HIVEP3: variants seen among roughly 807,000 people sequenced by gnomAD.
HIVEP3 encodes transcription factor HIVEP3.
HIVEP3 carries 49 observed loss-of-function variants against 152.8 expected under a neutral mutation model. That is an observed-to-expected ratio of 0.32 (90% CI 0.26 to 0.41). HIVEP3 has a LOEUF of 0.41. HIVEP3 is among the 10% of genes least tolerant of loss of function. The pLI, the probability that HIVEP3 is intolerant of heterozygous loss-of-function variation, is 1.00. For synonymous variants in HIVEP3, 1,269 were observed against 1,289.0 expected (o/e 0.98, Z 0.33); for missense variants, 2,790 against 3,103.3 (o/e 0.90, Z 2.40).
chr1:41,656,344 C>A (rs35248897), intron 2 of HIVEP3, among the ~76,000 whole-genome samples: 3,721 of 152,324 alleles, frequency 0.024, 53 homozygotes, highest in South Asian at 0.065. Context: ...CAGCTGAGGA[C>A]ATTGTGGTTC....
rs368747401 is a variant in HIVEP3, at chr1:41,939,845, A to G, written n.120-21321T>C. Among the ~76,000 whole-genome samples the G allele has an allele frequency of 8.5e-5, 13 of 152,168 alleles. No individual in the cohort carries two copies. The East Asian group carries it at 9.6e-4, about 11-fold the overall frequency. ...AGTTATTAAGGTTATTAAGCTAAATATATGTCTTCCCTCTCCAAATCATTG... is the reference window on the plus strand; with the variant it reads ...AGTTATTAAGGTTATTAAGCTAAATGTATGTCTTCCCTCTCCAAATCATTG... On this transcript the variant is annotated intron_variant and non_coding_transcript_variant, in intron 1 of 3. Transcript: ENST00000489103.
chr1:41,745,156 C>A (rs1372828946), intron 1 of HIVEP3, among the ~76,000 whole-genome samples: 2 of 152,172 alleles, frequency 1.3e-5, no homozygotes, highest in Non-Finnish European at 2.9e-5. Context: ...TTTCTCTAAC[C>A]CTCTCAAAAC....
At chr1:41,931,232 T>C (rs1378697501) in intron 1 of HIVEP3, among the ~76,000 whole-genome samples, 1 of 152,124 alleles carries the variant, frequency 6.6e-6, no homozygotes, top group Non-Finnish European at 1.5e-5. Context: ...TCTAGATGTA[T>C]TGTAGTTTCA....
chr1:41,729,966 T>C (rs1327055756), intron 1 of HIVEP3, among the ~76,000 whole-genome samples: 1 of 152,240 alleles, frequency 6.6e-6, no homozygotes, highest in African/African-American at 2.4e-5. Flanking sequence ...CAGGGAATAC[T>C]GTGCCTGTTT....
intron 1 of HIVEP3, among the ~76,000 whole-genome samples, chr1:41,943,650 T>A (rs1645059052): frequency 1.3e-5 from 2 of 152,248 alleles, no homozygotes; most frequent in Admixed American, 1.3e-4. Flanking sequence ...GAGAATGGAA[T>A]CTAGTTCTGA....
intron 3 of HIVEP3, among the ~76,000 whole-genome samples, chr1:41,588,025 G>C (rs934297742): frequency 1.3e-5 from 2 of 152,184 alleles, no homozygotes; most frequent in Non-Finnish European, 2.9e-5. Context: ...CAGAAGAAAG[G>C]GGAGCCCAGC....
intron 1 of HIVEP3, among the ~76,000 whole-genome samples, chr1:41,719,421 T>C (rs1164506640): frequency 1.3e-5 from 2 of 152,244 alleles, no homozygotes; most frequent in Non-Finnish European, 1.5e-5. Flanking sequence ...TTCATTCATA[T>C]GAATAACTCA....
Position 41,796,460 on chromosome 1 carries a change from G to A in HIVEP3, c.-800-95465C>T, listed in dbSNP as rs559265617. Among the ~76,000 whole-genome samples, 3 of 152,364 alleles carry A rather than the reference G, an allele frequency of 2.0e-5. No individual in the cohort carries two copies. The East Asian group carries it at 5.8e-4, about 29-fold the overall frequency. On this transcript the variant is annotated intron_variant, in intron 1 of 8. Coordinates refer to ENST00000372583, the MANE Select transcript of HIVEP3 (RefSeq NM_024503.5). Reference sequence around the variant, plus strand: ...CAGCCCTGCCACTAACTACCTCCTGGTCGATTCTTTTTCCGTAAAATGAGG... The same window carrying A: ...CAGCCCTGCCACTAACTACCTCCTGATCGATTCTTTTTCCGTAAAATGAGG...
At position 41,582,794 on chromosome 1, in the gene HIVEP3, C is replaced by T. The variant is rs1330688006; in HGVS notation, c.2004G>A (p.Glu668=). 3.1e-6 allele frequency: 5 copies of T among 1,614,050 alleles called. No homozygotes were observed. The African/African-American group carries it at 5.3e-5, about 17-fold the overall frequency. ...CAGAGATGGGCTTTGCGATCTGAAG[C>T]TCTGAGCAGTAGTATTTTTTGTGGG... ...YEAHKKYYCS[E]LQIAKPISAG... The change falls in exon 4 of 9, where the codon GAG becomes GAA. Residue 668 remains glutamate (E), a synonymous_variant. Coordinates refer to ENST00000372583, the MANE Select transcript of HIVEP3 (RefSeq NM_024503.5). This position sits in a 1 kb window ranked among gnomAD's most constrained non-coding sequence, Gnocchi z 4.7.
Position 42,032,864 on chromosome 1 carries a change from T to C in HIVEP3, n.119+2943A>G, listed in dbSNP as rs149526323. Among the ~76,000 whole-genome samples the C allele has an allele frequency of 3.5e-3, 530 of 152,254 alleles. 2 individuals are homozygous for C. The highest frequency in any genetic ancestry group is 0.012 in the African/African-American group (479 of 41,546). On this transcript the variant is annotated intron_variant and non_coding_transcript_variant, in intron 1 of 3. Coordinates refer to the HIVEP3 transcript ENST00000489103. ...CGGATTTGGCCTTTCTCCTCTAATATAGCTTTCACTCTGACAATTGATAGT... is the reference window on the plus strand; with the variant it reads ...CGGATTTGGCCTTTCTCCTCTAATACAGCTTTCACTCTGACAATTGATAGT...
At chr1:41,843,072 C>T (rs1290250777) in intron 1 of HIVEP3, among the ~76,000 whole-genome samples, 1 of 152,156 alleles carries the variant, frequency 6.6e-6, no homozygotes, top group African/African-American at 2.4e-5. Flanking sequence ...GAAGTCCTCC[C>T]CTCCGTTCCC....
intron 5 of HIVEP3, among the ~76,000 whole-genome samples, chr1:41,558,087 G>A (rs756471991): frequency 1.3e-5 from 2 of 152,220 alleles, no homozygotes; most frequent in African/African-American, 2.4e-5. Flanking sequence ...GGCAACTGAG[G>A]CACCTATTTC....
intron 1 of HIVEP3, among the ~76,000 whole-genome samples, chr1:42,033,141 CTT>C (rs151014008): frequency 0.014 from 2,151 of 152,138 alleles, 48 homozygotes; most frequent in African/African-American, 0.05. Flanking sequence ...TTAAAGTTTC[CTT>C]TCAAGCCTGA....
chr1:41,654,100 A>T (rs1344560841), intron 2 of HIVEP3, among the ~76,000 whole-genome samples: 1 of 152,080 alleles, frequency 6.6e-6, no homozygotes, highest in African/African-American at 2.4e-5. Flanking sequence ...TAGTCACTTG[A>T]TATAGCTCTA....
intron 1 of HIVEP3, among the ~76,000 whole-genome samples, chr1:41,780,773 C>T (rs1648997031): frequency 6.6e-6 from 1 of 152,104 alleles, no homozygotes. Context: ...AAACATGCAC[C>T]TAGGGGCTTC....
chr1:41,765,255 T>A (rs1444958903), intron 1 of HIVEP3, among the ~76,000 whole-genome samples: 1 of 152,164 alleles, frequency 6.6e-6, no homozygotes, highest in Non-Finnish European at 1.5e-5. Context: ...CTTCCTCATC[T>A]CCCCAGCTAT....
At chr1:41,859,886 G>A (rs1643866135) in intron 1 of HIVEP3, among the ~76,000 whole-genome samples, 2 of 152,220 alleles carry the variant, frequency 1.3e-5, no homozygotes, top group South Asian at 4.1e-4. Context: ...CAGCAGAGTA[G>A]GTGGCCTCAA....
intron 1 of HIVEP3, among the ~76,000 whole-genome samples, chr1:41,782,183 T>C (rs921364216): frequency 3.3e-5 from 5 of 152,228 alleles, no homozygotes; most frequent in East Asian, 1.9e-4. Flanking sequence ...GAAGATATTA[T>C]GTTAAGAGAA....
intron 1 of HIVEP3, among the ~76,000 whole-genome samples, chr1:41,714,794 T>C (rs1180849804): frequency 6.6e-6 from 1 of 152,218 alleles, no homozygotes; most frequent in Non-Finnish European, 1.5e-5. Context: ...TCAGTTGCTA[T>C]GGTAACAGAG....
Sources: allele counts gnomAD v4.1 joint callset (sites outside exome capture counted in the v4.1 genomes callset), GRCh38; gene constraint gnomAD v4.1.1; non-coding constraint Gnocchi (gnomAD v3.1); transcripts MANE v1.5; gene names NCBI Gene and HGNC (gene_info 2026-07-23, HGNC 2026-07-21).